Variants in NYAP1 observed in about 807,000 individuals in gnomAD.
NYAP1 encodes the protein neuronal tyrosine phosphorylated phosphoinositide-3-kinase adaptor 1.
In NYAP1, 20 loss-of-function variants were observed where a neutral mutation model predicts 58.6. The ratio of observed to expected loss-of-function variants is 0.34; its 90% CI spans 0.24 to 0.50. NYAP1 has a LOEUF of 0.50. Among genes scored for constraint, NYAP1 ranks in the 20% least tolerant of loss-of-function variants. The probability of loss-of-function intolerance (pLI) is 0.98; values close to 1 mark genes in which losing one functional copy is unlikely to be tolerated. For missense variants in NYAP1, 1,150 were observed against 1,194.5 expected (o/e 0.96, Z 0.55); for synonymous variants, 572 against 523.1 (o/e 1.09, Z -1.27).
chr7:100,490,930 T>G lies in NYAP1; in HGVS notation c.2159-56T>G. The G allele has an allele frequency of 8.2e-7, 1 of 1,223,538 alleles. No individual in the cohort carries two copies. The highest frequency in any genetic ancestry group is 1.4e-5 in the South Asian group (1 of 72,342). The allele number at this position is 1,223,538 out of a possible 1,614,324, so 75.8% of individuals were successfully genotyped here. ...CATTCAAGGGCAGGGGACTGGGAAC[T>G]AGGGGAGGGGTACCTGAGGCCCCTG... is the stretch of plus-strand genomic sequence containing the variant. On this transcript the variant is annotated intron_variant, in intron 5 of 6. Coordinates refer to ENST00000300179, the MANE Select transcript of NYAP1 (RefSeq NM_173564.4). This position sits in a 1 kb window ranked among gnomAD's most constrained non-coding sequence, Gnocchi z 4.6.
intron 6 of NYAP1, among the ~76,000 whole-genome samples, chr7:100,493,015 A>T (rs796926901): frequency 7.2e-5 from 11 of 152,148 alleles, no homozygotes; most frequent in African/African-American, 2.6e-4. Context: ...AAAGAAAGAA[A>T]GGGAGGAAAG....
chr7:100,489,646 G>A lies in NYAP1; in HGVS notation c.1925G>A (p.Arg642Lys). The A allele has an allele frequency of 3.8e-6, 5 of 1,318,036 alleles. No homozygotes were observed. The highest frequency in any genetic ancestry group is 2.3e-5 in the South Asian group (2 of 85,590). 81.6% of individuals were successfully genotyped at this position (1,318,036 alleles called of 1,614,324 possible). ...ALQRKVLYGG[R>K]KAKELDKVED... is the part of the protein sequence containing the mutation. ...CAGAGGAAGGTCCTCTATGGAGGGAGAAAAGCAAAGGAGTTGGACAGTGAG... is the reference window on the plus strand; with the variant it reads ...CAGAGGAAGGTCCTCTATGGAGGGAAAAAAGCAAAGGAGTTGGACAGTGAG... The change falls in exon 4 of 7, where the codon AGA becomes AAA. Residue 642 changes from arginine to lysine, a missense_variant. Transcript: ENST00000300179.
At position 100,489,033 on chromosome 7, in the gene NYAP1, G is replaced by T. The variant is rs773584354; in HGVS notation, c.1312G>T (p.Ala438Ser). 8 of 1,546,750 alleles carry T rather than the reference G, an allele frequency of 5.2e-6. No individual in the cohort carries two copies. Among genetic ancestry groups the T allele is most frequent in the Non-Finnish European group, 7.0e-6 (8 of 1,151,066 alleles). ...CATGATCTGCCCTAAGGCGGCGGGG[G>T]CGCCGGCAGCCCCCCCTGCCCCGGC... ...HSMICPKAAG[A>S]PAAPPAPAAL... The change falls in exon 4 of 7, where the codon GCG (alanine) becomes TCG (serine). Residue 438 changes from alanine to serine, a missense_variant. Transcript: ENST00000300179.
In NYAP1 at chr7:100,487,032, G is replaced by C; in HGVS notation, c.280G>C (p.Val94Leu). The C allele has an allele frequency of 6.2e-7, 1 of 1,606,052 alleles. No homozygotes were observed. Among genetic ancestry groups the C allele is most frequent in the Non-Finnish European group, 8.5e-7 (1 of 1,176,158 alleles). The part of the protein sequence containing the change: ...SCHSVGSMDS[V>L]GGGPGGASGG... ...CCACTCGGTGGGCAGCATGGACAGTGTCGGGGGTGGCCCTGGCGGGGCCAG... is the reference window on the plus strand; with the variant it reads ...CCACTCGGTGGGCAGCATGGACAGTCTCGGGGGTGGCCCTGGCGGGGCCAG... The change falls in exon 3 of 7, where the codon GTC (valine) becomes CTC (leucine). Residue 94 changes from valine (V) to leucine (L), a missense_variant. Coordinates refer to ENST00000300179, the MANE Select transcript of NYAP1 (RefSeq NM_173564.4). The surrounding 1 kb of genome is among the most constrained non-coding windows in gnomAD (Gnocchi z 4.1).
Position 100,487,542 on chromosome 7 carries a change from C to T in NYAP1, c.430+360C>T, listed in dbSNP as rs1799723780. Among the ~76,000 whole-genome samples, 1 of 152,064 alleles carries T rather than the reference C, an allele frequency of 6.6e-6. No individual in the cohort carries two copies. Among genetic ancestry groups the T allele is most frequent in the South Asian group, 2.1e-4 (1 of 4,808 alleles). On this transcript the variant is annotated intron_variant, in intron 3 of 6. Transcript: ENST00000300179. The surrounding 1 kb of genome is among the most constrained non-coding windows in gnomAD (Gnocchi z 4.1). ...TTTGAGACAGAGTCTCGCTCTGTTG[C>T]CCAGGCAGGAGTGCAGTGGTGCGAT...
rs1173074678 is a variant in NYAP1, at chr7:100,487,163, G to GC, written c.417dup (p.Ser140GlnfsTer30). 6.7e-7 allele frequency: 1 copy of GC among 1,491,148 alleles called. No homozygotes were observed. Among genetic ancestry groups the GC allele is most frequent in the South Asian group, 1.4e-5 (1 of 72,118 alleles). The allele number at this position is 1,491,148 out of a possible 1,614,324, so 92.4% of individuals were successfully genotyped here. A position where few individuals can be genotyped will look rare whatever the true frequency, so the allele number is the denominator to read the frequency against. On this transcript the variant is annotated frameshift_variant, in exon 3 of 7. Transcript: ENST00000300179. LOFTEE classifies it high-confidence loss of function. This position sits in a 1 kb window ranked among gnomAD's most constrained non-coding sequence, Gnocchi z 4.1. ...TGGGGCCTGGGTCTGGGGCAGAGAC[G>GC]CCCCCCAGCAAGAAAGCAGGTGAGA...
At position 100,494,028 on chromosome 7, in the gene NYAP1, C is replaced by G. The variant is rs1198986750; in HGVS notation, c.*125C>G. 1.2e-6 allele frequency: 1 copy of G among 841,508 alleles called. No homozygotes were observed. The highest frequency in any genetic ancestry group is 1.7e-6 in the Non-Finnish European group (1 of 585,772). 52.1% of individuals were successfully genotyped at this position (841,508 alleles called of 1,614,324 possible). On this transcript the variant is annotated 3_prime_UTR_variant, in exon 7 of 7. Coordinates refer to ENST00000300179, the MANE Select transcript of NYAP1 (RefSeq NM_173564.4). ...GGAGAGTGCCAGGGAGAACCCCTGC[C>G]CTCCAACCTACCCCCCGGGATGGGG... is the stretch of plus-strand genomic sequence containing the variant.
In NYAP1 at chr7:100,487,516, T is replaced by C. The variant is rs1181521764; in HGVS notation, c.430+334T>C. On this transcript the variant is annotated intron_variant, in intron 3 of 6. Transcript: ENST00000300179. This position sits in a 1 kb window ranked among gnomAD's most constrained non-coding sequence, Gnocchi z 4.1. ...GCCCGTAATCTCAGCACTTTTTTTT[T>C]TTTGAGACAGAGTCTCGCTCTGTTG... is the stretch of plus-strand genomic sequence containing the variant. Among the ~76,000 whole-genome samples, 1 of 152,164 alleles carries C rather than the reference T, an allele frequency of 6.6e-6. No individual in the cohort carries two copies. The highest frequency in any genetic ancestry group is 2.4e-5 in the African/African-American group (1 of 41,444).
At chr7:100,491,570 C>G (rs28661842) in intron 6 of NYAP1, among the ~76,000 whole-genome samples, 1 of 150,504 alleles carries the variant, frequency 6.6e-6, no homozygotes, top group Non-Finnish European at 1.5e-5. Flanking sequence ...GCGTTCCAGT[C>G]TGAGCCACAG....
At position 100,489,135 on chromosome 7, in the gene NYAP1, C is replaced by T; in HGVS notation, c.1414C>T (p.His472Tyr). 6.2e-7 allele frequency: 1 copy of T among 1,605,700 alleles called. No individual in the cohort carries two copies. The highest frequency in any genetic ancestry group is 8.5e-7 in the Non-Finnish European group (1 of 1,176,784). The stretch of plus-strand genomic sequence containing the variant: ...GTACTCGGCGGTCAAGGTGACCACG[C>T]ACTCTGTCCTGCCAGCTGGTCCACC... ...MVYSAVKVTT[H>Y]SVLPAGPPLG... The change falls in exon 4 of 7, where the codon CAC becomes TAC. Residue 472 changes from histidine (H) to tyrosine (Y), a missense_variant. Physicochemically the swap from His to Tyr is moderately conservative, Grantham distance 83. Transcript: ENST00000300179.
At position 100,490,747 on chromosome 7, in the gene NYAP1, C is replaced by T; in HGVS notation, c.2158+18C>T. 1 of 1,476,848 alleles carries T rather than the reference C, an allele frequency of 6.8e-7. No homozygotes were observed. The highest frequency in any genetic ancestry group is 9.0e-7 in the Non-Finnish European group (1 of 1,108,110). The allele number at this position is 1,476,848 out of a possible 1,614,324, so 91.5% of individuals were successfully genotyped here. On this transcript the variant is annotated intron_variant, in intron 5 of 6. Coordinates refer to ENST00000300179, the MANE Select transcript of NYAP1 (RefSeq NM_173564.4). This position sits in a 1 kb window ranked among gnomAD's most constrained non-coding sequence, Gnocchi z 4.6. The stretch of plus-strand genomic sequence containing the variant: ...CAATGGAGGTGACGCGGCCTGCACA[C>T]ACCTGTGCACAGCGGGGCTGGCTGG...
At chr7:100,492,047 C>T (rs1332282806) in intron 6 of NYAP1, among the ~76,000 whole-genome samples, 1 of 150,708 alleles carries the variant, frequency 6.6e-6, no homozygotes, top group Non-Finnish European at 1.5e-5. Flanking sequence ...GAGACTCTGT[C>T]TCAAAAAAAA....
chr7:100,487,227 G>A lies in NYAP1; in HGVS notation c.430+45G>A. On this transcript the variant is annotated intron_variant, in intron 3 of 6. Transcript: ENST00000300179. The surrounding 1 kb of genome is among the most constrained non-coding windows in gnomAD (Gnocchi z 4.1). The stretch of plus-strand genomic sequence containing the variant: ...TCCCTGGGGTGGAGCTGGGAGCTGG[G>A]AGGATCTATTCCACGCCCGGGGAGG... The A allele has an allele frequency of 6.8e-7, 1 of 1,467,230 alleles. No individual in the cohort carries two copies. Among genetic ancestry groups the A allele is most frequent in the Admixed American group, 2.6e-5 (1 of 39,122 alleles). The allele number at this position is 1,467,230 out of a possible 1,614,324, so 90.9% of individuals were successfully genotyped here.
chr7:100,487,023 A>G lies in NYAP1; in HGVS notation c.271A>G (p.Met91Val). 1 of 1,608,892 alleles carries G rather than the reference A, an allele frequency of 6.2e-7. No individual in the cohort carries two copies. The highest frequency in any genetic ancestry group is 1.3e-5 in the African/African-American group (1 of 74,818). The change falls in exon 3 of 7, where the codon ATG becomes GTG. Residue 91 changes from methionine (M) to valine (V), a missense_variant. By Grantham distance (21) the Met-to-Val change is conservative (BLOSUM62 1). Coordinates refer to ENST00000300179, the MANE Select transcript of NYAP1 (RefSeq NM_173564.4). This position sits in a 1 kb window ranked among gnomAD's most constrained non-coding sequence, Gnocchi z 4.1. ...CCTCTCCTGCCACTCGGTGGGCAGC[A>G]TGGACAGTGTCGGGGGTGGCCCTGG... ...RSLSCHSVGS[M>V]DSVGGGPGGA...
At chr7:100,489,706 G>C (rs544252092) in intron 4 of NYAP1, 40 bp downstream of exon 4, 1 of 1,110,098 alleles carries the variant, frequency 9.0e-7, no homozygotes, top group African/African-American at 1.6e-5. Context: ...CATCAGGGGT[G>C]GGGGGCAGCT....
chr7:100,490,552 G>T lies in NYAP1; in HGVS notation c.1981G>T (p.Ala661Ser), dbSNP rs1264716087. ...EDGARAWNGS[A>S]EGPGKVERED... ...CGGTGCCCGGGCCTGGAATGGCAGT[G>T]CCGAGGGTCCAGGCAAGGTGGAGCG... The change falls in exon 5 of 7, where the codon GCC becomes TCC. Residue 661 changes from alanine to serine, a missense_variant. Coordinates refer to ENST00000300179, the MANE Select transcript of NYAP1 (RefSeq NM_173564.4). The surrounding 1 kb of genome is among the most constrained non-coding windows in gnomAD (Gnocchi z 4.6). The T allele has an allele frequency of 6.3e-7, 1 of 1,588,510 alleles. No homozygotes were observed. The highest frequency in any genetic ancestry group is 1.2e-5 in the South Asian group (1 of 86,938).
rs1262448645 is a variant in NYAP1 at position 100,485,430 on chromosome 7, C to T, written c.68+51C>T. Reference sequence around the variant, plus strand: ...CTTCCCTTCCGCACCTCTGCCTGCCCCCTCACTGGGCCACAGCCCTTCTCG... The same window carrying T: ...CTTCCCTTCCGCACCTCTGCCTGCCTCCTCACTGGGCCACAGCCCTTCTCG... On this transcript the variant is annotated intron_variant, in intron 2 of 6. Coordinates refer to ENST00000300179, the MANE Select transcript of NYAP1 (RefSeq NM_173564.4). This position sits in a 1 kb window ranked among gnomAD's most constrained non-coding sequence, Gnocchi z 5.7. 1.4e-6 allele frequency: 2 copies of T among 1,424,056 alleles called. No individual in the cohort carries two copies. Among genetic ancestry groups the T allele is most frequent in the East Asian group, 2.4e-5 (1 of 41,054 alleles). The allele number at this position is 1,424,056 out of a possible 1,614,324, so 88.2% of individuals were successfully genotyped here. A position where few individuals can be genotyped will look rare whatever the true frequency, so the allele number is the denominator to read the frequency against.
rs183896816 is a variant in NYAP1 at position 100,493,265 on chromosome 7, A to G, written c.2269-381A>G. On this transcript the variant is annotated intron_variant, in intron 6 of 6. Transcript: ENST00000300179. ...CCAGCTACTTGGGAGGGAGGCTGAC[A>G]CTGGAGGATTGCTTGAGCCCAGGAG... Among the ~76,000 whole-genome samples the G allele has an allele frequency of 4.7e-4, 72 of 152,190 alleles. 1 individual carries two copies. In the East Asian group the frequency reaches 0.013, roughly 28 times the overall value.
chr7:100,484,209 T>G (rs1349825172), intron 1 of NYAP1, among the ~76,000 whole-genome samples: 5 of 151,380 alleles, frequency 3.3e-5, no homozygotes, highest in African/African-American at 1.2e-4. Context: ...GGAGGACGGC[T>G]GTAAGGAGGG....
Sources: allele counts gnomAD v4.1 joint callset (sites outside exome capture counted in the v4.1 genomes callset), GRCh38; gene constraint gnomAD v4.1.1; non-coding constraint Gnocchi (gnomAD v3.1); transcripts MANE v1.5; gene names NCBI Gene and HGNC (gene_info 2026-07-23, HGNC 2026-07-21).